Variants in RNF11 observed in about 807,000 individuals in gnomAD.
The protein encoded by RNF11 is ring finger protein 11.
A neutral mutation model predicts 15.8 loss-of-function variants in RNF11; 4 were observed. That is an observed-to-expected ratio of 0.25 (90% CI 0.12 to 0.58). The LOEUF is 0.58. Ranked by LOEUF, RNF11 falls within the 20% of genes least tolerant of loss-of-function variation. RNF11 has a pLI of 0.91. For synonymous variants in RNF11, 68 were observed against 72.3 expected (o/e 0.94, Z 0.30); for missense variants, 139 against 194.4 (o/e 0.71, Z 1.70).
At chr1:51,259,295 C>T (rs1010777656) in intron 1 of RNF11, among the ~76,000 whole-genome samples, 1 of 152,174 alleles carries the variant, frequency 6.6e-6, no homozygotes, top group African/African-American at 2.4e-5. Context: ...TTGAGAAGCC[C>T]TTCACTAAGC....
At chr1:51,250,519 T>C in intron 1 of RNF11, 1 of 544,624 alleles carries the variant, frequency 1.8e-6, no homozygotes, top group South Asian at 2.4e-5. Flanking sequence ...TACACAAGTA[T>C]GTTGGAATTT....
intron 1 of RNF11, among the ~76,000 whole-genome samples, chr1:51,242,051 C>T (rs555875192): frequency 1.9e-4 from 29 of 152,242 alleles, no homozygotes; most frequent in African/African-American, 6.3e-4. Context: ...GTTTGAGATT[C>T]GCCAGTCTTC....
At chr1:51,237,091 C>T (rs912149735) in intron 1 of RNF11, among the ~76,000 whole-genome samples, 2 of 152,106 alleles carry the variant, frequency 1.3e-5, no homozygotes, top group African/African-American at 4.8e-5. Flanking sequence ...ATGATACCCT[C>T]TGCCCTTGAG....
intron 2 of RNF11, 94 bp from the exon 3 acceptor site, chr1:51,271,057 T>C: frequency 7.7e-6 from 8 of 1,038,466 alleles, no homozygotes; most frequent in Non-Finnish European, 1.1e-5. Flanking sequence ...GATGTGTTAC[T>C]CAGATTAACA....
At position 51,271,948 on chromosome 1, in the gene RNF11, T is replaced by C. The variant is rs1403698590; in HGVS notation, c.*626T>C. ...CCTGTTATAAGTGCTATATTCTGTT[T>C]GCAGTTAGGAAATGCAGAATTCAAA... On this transcript the variant is annotated 3_prime_UTR_variant, in exon 3 of 3. Transcript: ENST00000242719. 2 of 152,616 alleles carry C rather than the reference T, an allele frequency of 1.3e-5. No homozygotes were observed. The highest frequency in any genetic ancestry group is 4.8e-5 in the African/African-American group (2 of 41,444). 9.5% of individuals were successfully genotyped at this position (152,616 alleles called of 1,614,324 possible). A position where few individuals can be genotyped will look rare whatever the true frequency, so the allele number is the denominator to read the frequency against.
intron 1 of RNF11, among the ~76,000 whole-genome samples, chr1:51,259,002 T>C (rs1280306284): frequency 6.6e-6 from 1 of 152,212 alleles, no homozygotes; most frequent in Non-Finnish European, 1.5e-5. Context: ...AAAAAGGACA[T>C]GTATCCCATC....
chr1:51,261,687 ATT>A (rs772161201), intron 1 of RNF11, among the ~76,000 whole-genome samples: 1 of 127,318 alleles, frequency 7.9e-6, no homozygotes, highest in Non-Finnish European at 1.7e-5. Flanking sequence ...CTGTGATAAG[ATT>A]TTTTTTTTTT....
chr1:51,270,382 G>A (rs909242969), intron 2 of RNF11, among the ~76,000 whole-genome samples: 2 of 152,146 alleles, frequency 1.3e-5, no homozygotes, highest in African/African-American at 4.8e-5. Flanking sequence ...GGAGGCTGAG[G>A]TCGGGGGATC....
intron 1 of RNF11, among the ~76,000 whole-genome samples, chr1:51,253,859 C>T (rs1646892209): frequency 2.6e-5 from 4 of 151,780 alleles, no homozygotes. Flanking sequence ...TCTTGCCAGG[C>T]ACAATGACTC....
At chr1:51,250,915 C>G in intron 1 of RNF11, 2 of 1,090,330 alleles carry the variant, frequency 1.8e-6, no homozygotes, top group South Asian at 2.6e-5. Flanking sequence ...AGTGCAGAGC[C>G]GCAGCGGCCT....
At chr1:51,256,807 T>G (rs1462186775) in intron 1 of RNF11, among the ~76,000 whole-genome samples, 3 of 152,048 alleles carry the variant, frequency 2.0e-5, no homozygotes, top group Non-Finnish European at 2.9e-5. Flanking sequence ...CCGAGTAGCT[T>G]GGATTACAGG....
chr1:51,241,532 G>A (rs1646829485), intron 1 of RNF11, among the ~76,000 whole-genome samples: 1 of 152,128 alleles, frequency 6.6e-6, no homozygotes, highest in Non-Finnish European at 1.5e-5. Flanking sequence ...AGTGATTTAG[G>A]GGTTTTTACC....
At chr1:51,249,792 G>A (rs1049342163) in intron 1 of RNF11, among the ~76,000 whole-genome samples, 1 of 152,122 alleles carries the variant, frequency 6.6e-6, no homozygotes, top group South Asian at 2.1e-4. Flanking sequence ...CCTATTTTGA[G>A]TATATATCCA....
intron 1 of RNF11, among the ~76,000 whole-genome samples, chr1:51,266,962 C>T (rs1395526806): frequency 6.6e-6 from 1 of 152,196 alleles, no homozygotes. Context: ...AGACTACCCA[C>T]ATAGCCCGGA....
chr1:51,271,882 G>A lies in RNF11; in HGVS notation c.*560G>A, dbSNP rs1484775247. The stretch of plus-strand genomic sequence containing the variant: ...TCTTTTTAAATAGTGTATTATTATC[G>A]TTGGGGCTGGCTCTATGCTTGAAAA... On this transcript the variant is annotated 3_prime_UTR_variant, in exon 3 of 3. Transcript: ENST00000242719. The A allele has an allele frequency of 1.3e-5, 2 of 152,516 alleles. No homozygotes were observed. The highest frequency in any genetic ancestry group is 2.1e-4 in the South Asian group (1 of 4,824). 9.4% of individuals were successfully genotyped at this position (152,516 alleles called of 1,614,324 possible). A position where few individuals can be genotyped will look rare whatever the true frequency, so the allele number is the denominator to read the frequency against.
At chr1:51,261,957 C>A (rs541582727) in intron 1 of RNF11, among the ~76,000 whole-genome samples, 1 of 152,078 alleles carries the variant, frequency 6.6e-6, no homozygotes, top group Admixed American at 6.6e-5. Flanking sequence ...CCGGTTCAAG[C>A]GATTCTCCTG....
chr1:51,254,705 T>C (rs1363584942), intron 1 of RNF11, among the ~76,000 whole-genome samples: 1 of 152,196 alleles, frequency 6.6e-6, no homozygotes, highest in African/African-American at 2.4e-5. Flanking sequence ...TCAAGTGATC[T>C]GCCCACCTCG....
At chr1:51,250,364 C>T (rs1445361662) in intron 1 of RNF11, among the ~76,000 whole-genome samples, 2 of 152,146 alleles carry the variant, frequency 1.3e-5, no homozygotes, top group Admixed American at 6.6e-5. Flanking sequence ...AAGCTGTAGT[C>T]ACTATGTTAT....
Position 51,236,824 on chromosome 1 carries a change from G to C in RNF11, c.68G>C (p.Arg23Pro), listed in dbSNP as rs755429814. ...ISLLHESQSD[R>P]ASFGEGTEPD... ...CTGCTTCACGAGTCTCAGTCCGACC[G>C]GGCTAGCTTTGGCGAGGGGACGGAG... Residue 23 changes from arginine (R) to proline (P), a missense_variant, in exon 1 of 3, where the codon CGG (arginine) becomes CCG (proline). Arg to Pro is a moderately radical substitution (Grantham distance 103). Coordinates refer to ENST00000242719, the MANE Select transcript of RNF11 (RefSeq NM_014372.5). 15 of 1,612,942 alleles carry C rather than the reference G, an allele frequency of 9.3e-6. 1 individual carries two copies. The South Asian group carries it at 1.2e-4, about 13-fold the overall frequency.
Sources: allele counts gnomAD v4.1 joint callset (sites outside exome capture counted in the v4.1 genomes callset), GRCh38; gene constraint gnomAD v4.1.1; transcripts MANE v1.5; gene names NCBI Gene and HGNC (gene_info 2026-07-23, HGNC 2026-07-21).